Variants in PLXNA2 observed in about 807,000 individuals in gnomAD.
PLXNA2 encodes plexin A2, also known as plexin-A2.
In PLXNA2, 91 loss-of-function variants were observed where a neutral mutation model predicts 193.5. That is an observed-to-expected ratio of 0.47 (90% confidence interval 0.40 to 0.56). The LOEUF (loss-of-function observed/expected upper bound fraction) is 0.56, where lower values mean the gene tolerates loss of function less well. Among genes scored for constraint, PLXNA2 ranks in the 20% least tolerant of loss-of-function variants. The probability of loss-of-function intolerance (pLI) is 0.00; values close to 1 mark genes in which losing one functional copy is unlikely to be tolerated. For missense variants in PLXNA2, 1,995 were observed against 2,503.2 expected, an observed-to-expected ratio of 0.80 and a Z score of 4.33; for synonymous variants, 997 against 1,027.3, an observed-to-expected ratio of 0.97 and a Z score of 0.56.
At chr1:208,064,282 G>T (rs942331256) in intron 12 of PLXNA2, among the ~76,000 whole-genome samples, 2 of 152,186 alleles carry the variant, frequency 1.3e-5, no homozygotes, top group Non-Finnish European at 2.9e-5. Flanking sequence ...GTAGCTGCCA[G>T]GGTGACCTTC....
intron 3 of PLXNA2, among the ~76,000 whole-genome samples, chr1:208,168,111 C>T (rs977054790): frequency 1.3e-5 from 2 of 152,190 alleles, no homozygotes; most frequent in African/African-American, 4.8e-5. Flanking sequence ...GCTTCTAGGG[C>T]TTTCATCTAC....
At position 208,044,731 on chromosome 1, in the gene PLXNA2, G is replaced by T. The variant is rs545856112; in HGVS notation, c.3651C>A (p.Gly1217=). The T allele has an allele frequency of 1.9e-6, 3 of 1,612,936 alleles. No individual in the cohort carries two copies. In the African/African-American group the frequency reaches 4.0e-5, roughly 22 times the overall value. ...CCGAGCCAGGCGAGAACACCATCCC[G>T]CCCACGTGAACCTGTGCATTGTACA... The part of the protein sequence containing the change: ...TGQHKVMVHV[G]GMVFSPGSVS... Residue 1217 remains glycine, a synonymous_variant, in exon 20 of 32, where the codon GGC becomes GGA. Coordinates refer to ENST00000367033, the MANE Select transcript of PLXNA2 (RefSeq NM_025179.4). This position sits in a 1 kb window ranked among gnomAD's most constrained non-coding sequence, Gnocchi z 4.9.
At chr1:208,029,696 T>C in intron 29 of PLXNA2, 1 of 986,286 alleles carries the variant, frequency 1.0e-6, no homozygotes, top group Non-Finnish European at 1.2e-6. Context: ...AGCTCAGAGA[T>C]TTTCCCACCC....
chr1:208,086,525 AT>A (rs1382783079), intron 9 of PLXNA2, among the ~76,000 whole-genome samples: 1 of 152,062 alleles, frequency 6.6e-6, no homozygotes, highest in African/African-American at 2.4e-5. Flanking sequence ...TCTGGGGGAA[AT>A]TCTGCACAGA....
chr1:208,180,350 TGAGTGGGCAC>T (rs1669802251), intron 3 of PLXNA2, among the ~76,000 whole-genome samples: 1 of 152,036 alleles, frequency 6.6e-6, no homozygotes, highest in Non-Finnish European at 1.5e-5. Context: ...GTAGGAGGCC[TGAGTGGGCAC>T]CTCTGCCGGG....
chr1:208,082,278 T>G lies in PLXNA2; in HGVS notation c.2395+134A>C. 1 of 695,266 alleles carries G rather than the reference T, an allele frequency of 1.4e-6. No individual in the cohort carries two copies. Among genetic ancestry groups the G allele is most frequent in the Non-Finnish European group, 2.6e-6 (1 of 391,252 alleles). 43.1% of individuals were successfully genotyped at this position (695,266 alleles called of 1,614,324 possible). A position where few individuals can be genotyped will look rare whatever the true frequency, so the allele number is the denominator to read the frequency against. The stretch of plus-strand genomic sequence containing the variant: ...GATGACTCCAAATGTTGCTTTAGGA[T>G]CCTCTGAAGAGTTCCGCCGACAGAG... On this transcript the variant is annotated intron_variant, in intron 11 of 31. Transcript: ENST00000367033. This position sits in a 1 kb window ranked among gnomAD's most constrained non-coding sequence, Gnocchi z 4.2.
intron 4 of PLXNA2, among the ~76,000 whole-genome samples, chr1:208,140,762 C>T (rs1186037147): frequency 6.6e-6 from 1 of 152,084 alleles, no homozygotes; most frequent in African/African-American, 2.4e-5. Context: ...TAATGTTTTC[C>T]CTTAAAGAAG....
intron 4 of PLXNA2, among the ~76,000 whole-genome samples, chr1:208,115,626 A>G (rs1667613014): frequency 6.6e-6 from 1 of 152,224 alleles, no homozygotes; most frequent in South Asian, 2.1e-4. Context: ...GATAGTTATT[A>G]TTAATAAATA....
At chr1:208,080,147 G>A (rs761579051) in intron 11 of PLXNA2, among the ~76,000 whole-genome samples, 8 of 152,116 alleles carry the variant, frequency 5.3e-5, no homozygotes, top group African/African-American at 1.9e-4. Flanking sequence ...GGTTTGAGAC[G>A]GGAGTCAGCT....
Position 208,044,676 on chromosome 1 carries a change from G to C in PLXNA2, c.3706C>G (p.Leu1236Val), listed in dbSNP as rs150042454. The C allele has an allele frequency of 8.7e-6, 14 of 1,614,138 alleles. No homozygotes were observed. The African/African-American group carries it at 1.7e-4, about 20-fold the overall frequency. The change falls in exon 20 of 32, where the codon CTG becomes GTG. Residue 1236 changes from leucine to valine, a missense_variant. This residue lies in a region of PLXNA2 where 1,291 missense variants were observed against 1,673.6 expected (regional missense o/e 0.77). Transcript: ENST00000367033. This position sits in a 1 kb window ranked among gnomAD's most constrained non-coding sequence, Gnocchi z 4.9. ...GCCGCGATGCTGACGATGGCTGGCA[G>C]GGTCAGCAAGCTGTCTGAGATGACA... ...VSVISDSLLTLPAIVSIAAGG... is the reference protein window; with the variant it reads ...VSVISDSLLTVPAIVSIAAGG...
chr1:208,154,660 G>A (rs1668882111), intron 3 of PLXNA2, among the ~76,000 whole-genome samples: 1 of 152,242 alleles, frequency 6.6e-6, no homozygotes, highest in Admixed American at 6.5e-5. Context: ...GTCTCGCCTT[G>A]GGCAGTCTCT....
chr1:208,195,396 G>T (rs1398445562), intron 3 of PLXNA2, among the ~76,000 whole-genome samples: 1 of 152,186 alleles, frequency 6.6e-6, no homozygotes, highest in Non-Finnish European at 1.5e-5. Flanking sequence ...TGACTCTCCT[G>T]TGAGTAGGGT....
chr1:208,124,264 G>A (rs1019676322), intron 4 of PLXNA2, among the ~76,000 whole-genome samples: 21 of 152,240 alleles, frequency 1.4e-4, no homozygotes, highest in Admixed American at 5.2e-4. Context: ...AACAACTATT[G>A]GGTACTAGGC....
rs1306250807 is a variant in PLXNA2, at chr1:208,057,704, G to A, written c.2738+2982C>T. ...ATGTATTGTTAGGAGACAATCGCTGGAGATGCCTAGATTCTCTCCTTATAA... is the reference window on the plus strand; with the variant it reads ...ATGTATTGTTAGGAGACAATCGCTGAAGATGCCTAGATTCTCTCCTTATAA... On this transcript the variant is annotated intron_variant, in intron 13 of 31. Coordinates refer to ENST00000367033, the MANE Select transcript of PLXNA2 (RefSeq NM_025179.4). Among the ~76,000 whole-genome samples, 8 of 152,268 alleles carry A rather than the reference G, an allele frequency of 5.3e-5. No homozygotes were observed. In the East Asian group the frequency reaches 1.5e-3, roughly 29 times the overall value.
chr1:208,140,668 G>T (rs949273863), intron 4 of PLXNA2, among the ~76,000 whole-genome samples: 1 of 152,178 alleles, frequency 6.6e-6, no homozygotes, highest in African/African-American at 2.4e-5. Context: ...TGGGTAGTGA[G>T]ATTTGGTGAC....
intron 3 of PLXNA2, among the ~76,000 whole-genome samples, chr1:208,169,360 C>G (rs1669418690): frequency 6.6e-6 from 1 of 152,212 alleles, no homozygotes; most frequent in Non-Finnish European, 1.5e-5. Context: ...CACACATGAT[C>G]AGCAAGTCTG....
At chr1:208,223,023 G>T (rs946875168) in intron 1 of PLXNA2, among the ~76,000 whole-genome samples, 3 of 152,148 alleles carry the variant, frequency 2.0e-5, no homozygotes, top group Non-Finnish European at 4.4e-5. Context: ...ACACTCTGAG[G>T]AGCCAGACGG....
intron 1 of PLXNA2, among the ~76,000 whole-genome samples, chr1:208,227,444 C>T (rs1671548505): frequency 6.6e-6 from 1 of 152,026 alleles, no homozygotes; most frequent in South Asian, 2.1e-4. Context: ...ATTCTCGAGG[C>T]CCATGCTTTC....
intron 3 of PLXNA2, among the ~76,000 whole-genome samples, chr1:208,174,058 G>A (rs926201619): frequency 4.6e-5 from 7 of 152,192 alleles, no homozygotes; most frequent in Non-Finnish European, 8.8e-5. Context: ...GGAATATGTG[G>A]GTTTTCTCCC....
Sources: gnomAD v4.1 joint callset for allele counts (sites outside exome capture counted in the v4.1 genomes callset) on GRCh38, gnomAD v4.1.1 for gene constraint, gnomAD v4.1.1 regional missense constraint, Gnocchi (gnomAD v3.1) non-coding constraint, MANE v1.5 for transcripts, NCBI Gene and HGNC (gene_info 2026-07-23, HGNC 2026-07-21) for gene names.